FANCD2OS: variants seen among roughly 807,000 people sequenced by gnomAD.
The protein encoded by FANCD2OS is FANCD2 opposite strand protein.
A neutral mutation model predicts 13.2 loss-of-function variants in FANCD2OS; 11 were observed. The ratio of observed to expected loss-of-function variants is 0.83; its 90% CI spans 0.52 to 1.38. The LOEUF is 1.38. Ranked by LOEUF, FANCD2OS falls within the 40% of genes most tolerant of loss-of-function variation. The pLI, the probability that FANCD2OS is intolerant of heterozygous loss-of-function variation, is 0.00. For synonymous variants in FANCD2OS, 69 were observed against 84.5 expected, an observed-to-expected ratio of 0.82 and a Z score of 1.01; for missense variants, 217 against 213.9, an observed-to-expected ratio of 1.01 and a Z score of -0.09.
intron 2 of FANCD2OS, chr3:10,096,193 T>G (rs1435635508): frequency 6.7e-6 from 6 of 898,878 alleles, no homozygotes; most frequent in Non-Finnish European, 1.1e-5. Flanking sequence ...AAACTATTCC[T>G]GTTTGATGGA....
In FANCD2OS at chr3:10,104,191, T is replaced by C. The variant is rs753995654; in HGVS notation, c.*50A>G. 2.7e-6 allele frequency: 4 copies of C among 1,476,348 alleles called. No individual in the cohort carries two copies. The Admixed American group carries it at 8.4e-5, about 31-fold the overall frequency. 91.5% of individuals were successfully genotyped at this position (1,476,348 alleles called of 1,614,324 possible). On this transcript the variant is annotated 3_prime_UTR_variant, in exon 2 of 2. Transcript: ENST00000450660. ...TGGACAGGTTTCTGTAAGCTTTAGG[T>C]ACATACCAAAGGGCATGGTGTGAGT...
At chr3:10,093,720 G>A (rs886295910) in intron 2 of FANCD2OS, among the ~76,000 whole-genome samples, 7 of 152,144 alleles carry the variant, frequency 4.6e-5, no homozygotes, top group Non-Finnish European at 2.9e-5. Flanking sequence ...TCTCTTTTGT[G>A]GGAATAGCCT....
downstream of FANCD2OS, chr3:10,099,400 A>T: frequency 9.8e-7 from 1 of 1,023,722 alleles, no homozygotes; most frequent in East Asian, 5.3e-5. Flanking sequence ...AGGTAGGAGG[A>T]TTGCTTGAGT....
intron 2 of FANCD2OS, chr3:10,093,234 T>C (rs1347894916): frequency 2.7e-6 from 4 of 1,462,484 alleles, no homozygotes; most frequent in African/African-American, 2.8e-5. Context: ...GAGGCTGGAG[T>C]GCTCAAAGGA....
In FANCD2OS at chr3:10,104,231, T is replaced by A. The variant is rs780572584; in HGVS notation, c.*10A>T. 28 of 1,592,550 alleles carry A rather than the reference T, an allele frequency of 1.8e-5. No individual in the cohort carries two copies. Among genetic ancestry groups the A allele is most frequent in the Non-Finnish European group, 2.4e-5 (28 of 1,169,212 alleles). Reference sequence around the variant, plus strand: ...ATGGTGTGAGTAAATGGGGATCAAATGAGGACCCTTTACTTGGAGTGCTGC... The same window carrying A: ...ATGGTGTGAGTAAATGGGGATCAAAAGAGGACCCTTTACTTGGAGTGCTGC... On this transcript the variant is annotated 3_prime_UTR_variant, in exon 2 of 2. Transcript: ENST00000450660.
At chr3:10,090,241 T>C (rs2125081144) in intron 2 of FANCD2OS, 2 of 1,365,768 alleles carry the variant, frequency 1.5e-6, no homozygotes, top group East Asian at 2.3e-5. Flanking sequence ...TCCCAGGTAG[T>C]TCTAAGCAGT....
rs35104427 is a variant in FANCD2OS at position 10,087,901 on chromosome 3, C to T, written c.*44-6370G>A. On this transcript the variant is annotated intron_variant, in intron 2 of 2. Transcript: ENST00000524279. ...TGACCTCGTGATCCACCTGCCTCAG[C>T]CTCCCAAAGTGCTGGGATTACAGAC... is the stretch of plus-strand genomic sequence containing the variant. Among the ~76,000 whole-genome samples the T allele has an allele frequency of 3.2e-3, 492 of 152,238 alleles. 10 individuals carry two copies. In the South Asian group the frequency reaches 0.04, roughly 12 times the overall value.
chr3:10,085,791 C>A, intron 2 of FANCD2OS: 2 of 1,530,968 alleles, frequency 1.3e-6, no homozygotes, highest in East Asian at 4.5e-5. Flanking sequence ...AAGCTAACCC[C>A]TCTTACCTTG....
chr3:10,087,207 C>T, intron 2 of FANCD2OS: 1 of 1,608,752 alleles, frequency 6.2e-7, no homozygotes, highest in Non-Finnish European at 8.5e-7. Context: ...TCTCATCAGA[C>T]TTTTGATGGT....
At chr3:10,101,416 C>T (rs1438041597), downstream of FANCD2OS, 18 of 586,566 alleles carry the variant, frequency 3.1e-5, no homozygotes, top group South Asian at 2.5e-4. Context: ...GACGGGGACT[C>T]GCTGTGTTTC....
chr3:10,094,731 C>T (rs1335601863), intron 2 of FANCD2OS: 2 of 322,768 alleles, frequency 6.2e-6, no homozygotes, highest in Non-Finnish European at 5.9e-6. Context: ...TCATTTGTGT[C>T]ATAAAACCCT....
intron 2 of FANCD2OS, chr3:10,096,526 C>T (rs978367275): frequency 1.9e-6 from 3 of 1,547,054 alleles, no homozygotes; most frequent in African/African-American, 2.7e-5. Flanking sequence ...TTTGTGACAG[C>T]ATCAGATGGC....
In FANCD2OS at chr3:10,104,406, C is replaced by G; in HGVS notation, c.369G>C (p.Lys123Asn). 2.5e-6 allele frequency: 4 copies of G among 1,614,200 alleles called. No individual in the cohort carries two copies. The highest frequency in any genetic ancestry group is 3.4e-6 in the Non-Finnish European group (4 of 1,180,038). ...TGCTAATGATTTTGCAAAAGGCTGACTTGTCTGAAACTCTGAAAGTCCCGG... is the reference window on the plus strand; with the variant it reads ...TGCTAATGATTTTGCAAAAGGCTGAGTTGTCTGAAACTCTGAAAGTCCCGG... ...KWTGTFRVSD[K>N]SAFCKIISRE... Residue 123 changes from lysine (K) to asparagine (N), a missense_variant, in exon 2 of 2, where the codon AAG becomes AAC. Transcript: ENST00000450660.
rs779632231 is a variant in FANCD2OS, at chr3:10,088,415, A to G, written c.*44-6884T>C. On this transcript the variant is annotated intron_variant, in intron 2 of 2. Coordinates refer to the FANCD2OS transcript ENST00000524279. Reference sequence around the variant, plus strand: ...AAAGCAAGAATGAGGTCAAGTTCCCATATGTAAGATTCCTTTGTCTTCTTT... The same window carrying G: ...AAAGCAAGAATGAGGTCAAGTTCCCGTATGTAAGATTCCTTTGTCTTCTTT... The G allele has an allele frequency of 1.1e-5, 14 of 1,259,896 alleles. No individual in the cohort carries two copies. The Admixed American group carries it at 2.0e-4, about 18-fold the overall frequency. The allele number at this position is 1,259,896 out of a possible 1,614,324, so 78.0% of individuals were successfully genotyped here.
At chr3:10,097,700 C>A (rs1409256173) in intron 2 of FANCD2OS, among the ~76,000 whole-genome samples, 3 of 152,176 alleles carry the variant, frequency 2.0e-5, no homozygotes. Flanking sequence ...TATATACCTC[C>A]TTCTCGGCTG....
chr3:10,083,792 G>A (rs1245669781), intron 2 of FANCD2OS: 1 of 150,484 alleles, frequency 6.6e-6, no homozygotes, highest in East Asian at 2.0e-4. Flanking sequence ...AGAGGCTGAG[G>A]CAGGAGAATG....
intron 2 of FANCD2OS, among the ~76,000 whole-genome samples, chr3:10,093,630 G>A (rs573271971): frequency 1.4e-3 from 213 of 152,082 alleles, no homozygotes; most frequent in African/African-American, 4.9e-3. Flanking sequence ...AAGGGAGGAA[G>A]GAGGAGTAGA....
At chr3:10,098,063 A>T (rs1423602232), downstream of FANCD2OS, among the ~76,000 whole-genome samples, 4 of 152,168 alleles carry the variant, frequency 2.6e-5, no homozygotes, top group African/African-American at 9.7e-5. Context: ...CATTTTTCAG[A>T]TAGGGTAGTA....
rs367949626 is a variant in FANCD2OS at position 10,095,968 on chromosome 3, G to A, written c.*43+8230C>T. ...ACAATCTCTGCTCACTGCAAGTTCC[G>A]CCTCCCGGCTGGACAGTGAATGTTT... On this transcript the variant is annotated intron_variant, in intron 2 of 2. Coordinates refer to the FANCD2OS transcript ENST00000524279. 8.1e-5 allele frequency among the ~76,000 whole-genome samples: 12 copies of A among 147,390 alleles called. No homozygotes were observed. In the South Asian group the frequency reaches 1.1e-3, roughly 13 times the overall value.
Sources: allele counts gnomAD v4.1 joint callset (sites outside exome capture counted in the v4.1 genomes callset), GRCh38; gene constraint gnomAD v4.1.1; transcripts MANE v1.5; gene names NCBI Gene and HGNC (gene_info 2026-07-23, HGNC 2026-07-21).